MAP2K1: variants seen among roughly 807,000 people sequenced by gnomAD.
The protein encoded by MAP2K1 is dual specificity mitogen-activated protein kinase kinase 1.
In MAP2K1, 16 loss-of-function variants were observed where a neutral mutation model predicts 46.3. The ratio of observed to expected loss-of-function variants is 0.35; its 90% CI spans 0.23 to 0.52. The LOEUF (loss-of-function observed/expected upper bound fraction) is 0.52, where lower values mean the gene tolerates loss of function less well. Ranked by LOEUF, MAP2K1 falls within the 20% of genes least tolerant of loss-of-function variation. The pLI is 0.94. For synonymous variants in MAP2K1, 183 were observed against 185.6 expected (o/e 0.99, Z 0.11); for missense variants, 263 against 497.1 (o/e 0.53, Z 4.48).
intron 5 of MAP2K1, among the ~76,000 whole-genome samples, chr15:66,477,873 A>G (rs1303165133): frequency 6.6e-6 from 1 of 151,948 alleles, no homozygotes; most frequent in African/African-American, 2.4e-5. Context: ...GTCTCGTTCC[A>G]TTTTCAGCAT....
intron 1 of MAP2K1, among the ~76,000 whole-genome samples, chr15:66,393,022 G>A (rs1270355839): frequency 6.6e-6 from 1 of 152,046 alleles, no homozygotes; most frequent in Non-Finnish European, 1.5e-5. Flanking sequence ...ACCCCTTGCT[G>A]CCTCAAACAG....
At chr15:66,458,620 G>A (rs574161766) in intron 5 of MAP2K1, among the ~76,000 whole-genome samples, 7 of 152,298 alleles carry the variant, frequency 4.6e-5, no homozygotes. Flanking sequence ...CAGCTCAAGC[G>A]ATCCTCTCAC....
chr15:66,480,477 C>T (rs1892887535), intron 5 of MAP2K1, among the ~76,000 whole-genome samples: 1 of 152,128 alleles, frequency 6.6e-6, no homozygotes. Flanking sequence ...TGACTCACGC[C>T]TATAGTCCCA....
At chr15:66,421,019 T>A (rs1234162174) in intron 1 of MAP2K1, among the ~76,000 whole-genome samples, 2 of 143,356 alleles carry the variant, frequency 1.4e-5, no homozygotes, top group African/African-American at 5.2e-5. Flanking sequence ...ATATATATAC[T>A]TATAATTTTT....
Position 66,406,366 on chromosome 15 carries a change from G to A in MAP2K1, c.80+18939G>A, listed in dbSNP as rs904941692. On this transcript the variant is annotated intron_variant, in intron 1 of 10. Coordinates refer to ENST00000307102, the MANE Select transcript of MAP2K1 (RefSeq NM_002755.4). Reference sequence around the variant, plus strand: ...GGAGTCATGTGCAAATGTCCTTTTAGTAGATGCTATTAAAAGGCATTTAAA... The same window carrying A: ...GGAGTCATGTGCAAATGTCCTTTTAATAGATGCTATTAAAAGGCATTTAAA... 2.0e-5 allele frequency among the ~76,000 whole-genome samples: 3 copies of A among 152,294 alleles called. No individual in the cohort carries two copies. The South Asian group carries it at 6.2e-4, about 32-fold the overall frequency.
At chr15:66,397,316 A>G (rs1437345098) in intron 1 of MAP2K1, among the ~76,000 whole-genome samples, 2 of 152,020 alleles carry the variant, frequency 1.3e-5, no homozygotes, top group Non-Finnish European at 2.9e-5. Context: ...AACACTTCTT[A>G]ATGGTGTGAC....
intron 1 of MAP2K1, among the ~76,000 whole-genome samples, chr15:66,394,348 A>G (rs771223843): frequency 6.6e-6 from 1 of 152,114 alleles, no homozygotes; most frequent in Non-Finnish European, 1.5e-5. Flanking sequence ...AGGAACACAC[A>G]TCTGTTAGAG....
rs2140584159 is a variant in MAP2K1, at chr15:66,436,852, T to C, written c.398T>C (p.Phe133Ser). Residue 133 changes from phenylalanine (F) to serine (S), a missense_variant, in exon 3 of 11, where the codon TTC becomes TCC. Coordinates refer to ENST00000307102, the MANE Select transcript of MAP2K1 (RefSeq NM_002755.4). ...SPYIVGFYGA[F>S]YSDGEISICM... ...TACATCGTGGGCTTCTATGGTGCGT[T>C]CTACAGCGATGGCGAGATCAGTATC... The C allele has an allele frequency of 6.2e-7, 1 of 1,614,182 alleles. No individual in the cohort carries two copies. The highest frequency in any genetic ancestry group is 8.5e-7 in the Non-Finnish European group (1 of 1,180,020).
chr15:66,458,193 C>T (rs919946251), intron 5 of MAP2K1, among the ~76,000 whole-genome samples: 3 of 152,010 alleles, frequency 2.0e-5, no homozygotes, highest in East Asian at 1.9e-4. Flanking sequence ...GTGAAGAGGG[C>T]GCTAGGATAC....
At chr15:66,479,201 A>T (rs2140663613) in intron 5 of MAP2K1, among the ~76,000 whole-genome samples, 1 of 151,702 alleles carries the variant, frequency 6.6e-6, no homozygotes, top group Non-Finnish European at 1.5e-5. Context: ...GGTTCAAACG[A>T]TTCTCCTGCC....
chr15:66,387,342 T>C lies in MAP2K1; in HGVS notation c.-6T>C. 6.4e-7 allele frequency: 1 copy of C among 1,557,170 alleles called. No homozygotes were observed. Among genetic ancestry groups the C allele is most frequent in the East Asian group, 2.4e-5 (1 of 41,598 alleles). ...CGGAGTTGGAAGCGCGTTACCCGGG[T>C]CCAAAATGCCCAAGAAGAAGCCGAC... On this transcript the variant is annotated 5_prime_UTR_variant, in exon 1 of 11. Transcript: ENST00000307102.
intron 6 of MAP2K1, among the ~76,000 whole-genome samples, chr15:66,483,050 G>C (rs779815004): frequency 6.6e-6 from 1 of 152,170 alleles, no homozygotes; most frequent in Non-Finnish European, 1.5e-5. Flanking sequence ...TAGAGGTGAG[G>C]AAGTCTAGAT....
intron 1 of MAP2K1, among the ~76,000 whole-genome samples, chr15:66,393,955 C>T (rs1284831972): frequency 2.0e-5 from 3 of 152,160 alleles, no homozygotes; most frequent in South Asian, 2.1e-4. Flanking sequence ...TTCTTTGTAG[C>T]GCTGATCACT....
At chr15:66,405,731 A>T (rs1276827056) in intron 1 of MAP2K1, among the ~76,000 whole-genome samples, 1 of 152,198 alleles carries the variant, frequency 6.6e-6, no homozygotes, top group South Asian at 2.1e-4. Context: ...CTCCCAAAGA[A>T]TCCTGCATTT....
rs571433052 is a variant in MAP2K1 at position 66,472,012 on chromosome 15, G to T, written c.569-9743G>T. ...GAATCGGTTGAACCGGGGAGGCGGA[G>T]GTTGCAGTGAGCTGAGATCGCGCCA... On this transcript the variant is annotated intron_variant, in intron 5 of 10. Transcript: ENST00000307102. 1.5e-3 allele frequency among the ~76,000 whole-genome samples: 216 copies of T among 141,808 alleles called. 1 individual carries two copies. Among genetic ancestry groups the T allele is most frequent in the Non-Finnish European group, 2.7e-3 (179 of 66,806 alleles). The allele number at this position is 141,808 out of a possible 152,430, so 93.0% of individuals were successfully genotyped here.
At chr15:66,479,801 C>G (rs1892870515) in intron 5 of MAP2K1, among the ~76,000 whole-genome samples, 1 of 152,154 alleles carries the variant, frequency 6.6e-6, no homozygotes, top group Non-Finnish European at 1.5e-5. Flanking sequence ...GAGGCTAGAG[C>G]TGGCCTGGAA....
intron 1 of MAP2K1, among the ~76,000 whole-genome samples, chr15:66,392,867 T>TA (rs1328615927): frequency 6.6e-6 from 1 of 152,246 alleles, no homozygotes; most frequent in Non-Finnish European, 1.5e-5. Context: ...TTTCTTTTTT[T>TA]AACCAATTTT....
At chr15:66,420,717 A>T (rs868794707) in intron 1 of MAP2K1, among the ~76,000 whole-genome samples, 3 of 32,818 alleles carry the variant, frequency 9.1e-5, no homozygotes, top group Non-Finnish European at 1.3e-4. Flanking sequence ...ATATATATAT[A>T]TATATGTGTG....
intron 1 of MAP2K1, among the ~76,000 whole-genome samples, chr15:66,416,446 A>G (rs981823378): frequency 1.3e-5 from 2 of 151,716 alleles, no homozygotes; most frequent in African/African-American, 4.8e-5. Context: ...CCTCTAGTAT[A>G]CATAGTGCTT....
Sources: gnomAD v4.1 joint callset for allele counts (sites outside exome capture counted in the v4.1 genomes callset) on GRCh38, gnomAD v4.1.1 for gene constraint, MANE v1.5 for transcripts, NCBI Gene and HGNC (gene_info 2026-07-23, HGNC 2026-07-21) for gene names.